Variants in RALYL observed in about 807,000 individuals in gnomAD.
RALYL encodes the protein RNA-binding Raly-like protein.
A neutral mutation model predicts 35.1 loss-of-function variants in RALYL; 29 were observed. The observed-to-expected ratio is 0.83, with a 90% CI of 0.61 to 1.13. The LOEUF is 1.13. Ranked by LOEUF, RALYL falls within the 50% of genes most tolerant of loss-of-function variation. The pLI is 0.00. For missense variants in RALYL, 359 were observed against 360.4 expected (o/e 1.00, Z 0.03); for synonymous variants, 120 against 127.6 (o/e 0.94, Z 0.40).
intron 1 of RALYL, among the ~76,000 whole-genome samples, chr8:84,476,824 C>A (rs1215785929): frequency 3.3e-5 from 5 of 152,138 alleles, no homozygotes; most frequent in Admixed American, 6.5e-5. Flanking sequence ...AGTTTTAATT[C>A]AATTGTGAAT....
At chr8:84,813,435 A>G (rs1826377381) in intron 4 of RALYL, among the ~76,000 whole-genome samples, 1 of 152,188 alleles carries the variant, frequency 6.6e-6, no homozygotes, top group Non-Finnish European at 1.5e-5. Context: ...CCTGCCTCCC[A>G]TTCCTCTGTG....
chr8:84,371,014 A>T (rs922057373), intron 1 of RALYL, among the ~76,000 whole-genome samples: 1 of 152,014 alleles, frequency 6.6e-6, no homozygotes, highest in Non-Finnish European at 1.5e-5. Flanking sequence ...AAATTAAAGA[A>T]CTGAGCAAAC....
At chr8:84,342,296 A>ATATATATATATATATATATATAT (rs1554626164) in intron 1 of RALYL, among the ~76,000 whole-genome samples, 106 of 119,080 alleles carry the variant, frequency 8.9e-4, no homozygotes, top group Middle Eastern at 4.1e-3. Context: ...ATATATATAT[A>ATATATATATATATATATATATAT]AAACTCAAAA....
chr8:84,754,155 T>G (rs1810777591), intron 2 of RALYL, among the ~76,000 whole-genome samples: 1 of 152,146 alleles, frequency 6.6e-6, no homozygotes, highest in South Asian at 2.1e-4. Context: ...TAGATCCCAT[T>G]TGTCAATTTT....
intron 1 of RALYL, among the ~76,000 whole-genome samples, chr8:84,299,155 G>T (rs1840310977): frequency 6.6e-6 from 1 of 151,590 alleles, no homozygotes; most frequent in African/African-American, 2.4e-5. Context: ...AGTGTTTCTA[G>T]CTTTTCCTCA....
chr8:84,774,644 G>A lies in RALYL; in HGVS notation c.322G>A (p.Ala108Thr). The A allele has an allele frequency of 1.9e-6, 3 of 1,606,602 alleles. No individual in the cohort carries two copies. The highest frequency in any genetic ancestry group is 2.6e-6 in the Non-Finnish European group (3 of 1,175,614). ...ACCTGGAAACAAGAGGCCCCTTTCT[G>A]CACTTTACAGGTAAGTAGATAAGCA... is the stretch of plus-strand genomic sequence containing the variant. ...PKPGNKRPLS[A>T]LYRLESKEPF... Residue 108 changes from alanine to threonine, a missense_variant, in exon 3 of 9, where the codon GCA (alanine) becomes ACA (threonine). By Grantham distance (58) the Ala-to-Thr change is moderately conservative. Coordinates refer to ENST00000521268, the MANE Select transcript of RALYL (RefSeq NM_173848.7).
At chr8:84,463,857 T>C (rs573736918) in intron 1 of RALYL, among the ~76,000 whole-genome samples, 1 of 152,068 alleles carries the variant, frequency 6.6e-6, no homozygotes, top group Non-Finnish European at 1.5e-5. Flanking sequence ...AATCATGGTG[T>C]AGAACAATGC....
intron 1 of RALYL, among the ~76,000 whole-genome samples, chr8:84,268,668 A>T (rs1833759306): frequency 6.6e-6 from 1 of 152,176 alleles, no homozygotes; most frequent in Non-Finnish European, 1.5e-5. Flanking sequence ...ATGGAGACAG[A>T]GGTCATTTTA....
chr8:84,593,442 A>G (rs1181971629), intron 2 of RALYL, among the ~76,000 whole-genome samples: 1 of 152,086 alleles, frequency 6.6e-6, no homozygotes, highest in Non-Finnish European at 1.5e-5. Context: ...ATTTGGGAAG[A>G]ATTTTCAAAA....
chr8:84,713,375 T>G (rs2132506880), intron 2 of RALYL, among the ~76,000 whole-genome samples: 1 of 152,062 alleles, frequency 6.6e-6, no homozygotes, highest in Admixed American at 6.6e-5. Context: ...GCAATAAAAT[T>G]AATAACTTGA....
At chr8:84,825,364 G>A (rs1246392408) in intron 4 of RALYL, among the ~76,000 whole-genome samples, 8 of 152,266 alleles carry the variant, frequency 5.3e-5, no homozygotes, top group Admixed American at 2.6e-4. Context: ...TGGCAGGGCT[G>A]TGGAGAAAAG....
chr8:84,360,452 A>G (rs1852752014), intron 1 of RALYL, among the ~76,000 whole-genome samples: 6 of 152,348 alleles, frequency 3.9e-5, no homozygotes, highest in Admixed American at 3.9e-4. Flanking sequence ...CTTTACTTCT[A>G]GTGAGAAAGA....
At chr8:84,361,440 A>C (rs1324984472) in intron 1 of RALYL, among the ~76,000 whole-genome samples, 1 of 152,204 alleles carries the variant, frequency 6.6e-6, no homozygotes, top group Non-Finnish European at 1.5e-5. Context: ...GAAATTGTAC[A>C]GAGAAGAAAC....
intron 2 of RALYL, among the ~76,000 whole-genome samples, chr8:84,533,439 G>A (rs1171870824): frequency 6.6e-6 from 1 of 152,110 alleles, no homozygotes; most frequent in African/African-American, 2.4e-5. Flanking sequence ...TGTATCTATT[G>A]ATTACATTGG....
intron 2 of RALYL, among the ~76,000 whole-genome samples, chr8:84,726,248 T>G (rs1378084336): frequency 1.4e-5 from 2 of 146,910 alleles, no homozygotes; most frequent in Non-Finnish European, 3.0e-5. Flanking sequence ...TATATATAAT[T>G]ATATCTAATT....
At chr8:84,401,631 C>CT (rs2042912065) in intron 1 of RALYL, among the ~76,000 whole-genome samples, 2 of 93,722 alleles carry the variant, frequency 2.1e-5, no homozygotes, top group South Asian at 7.9e-4. Flanking sequence ...GAGCTAGACT[C>CT]TGTCTCAAAA....
chr8:84,403,997 A>G (rs1332291367), intron 1 of RALYL, among the ~76,000 whole-genome samples: 2 of 152,002 alleles, frequency 1.3e-5, no homozygotes, highest in Non-Finnish European at 2.9e-5. Flanking sequence ...GGTGTATAGG[A>G]ATGCTTGTGA....
At chr8:84,344,550 T>G (rs556064714) in intron 1 of RALYL, among the ~76,000 whole-genome samples, 1 of 152,204 alleles carries the variant, frequency 6.6e-6, no homozygotes, top group African/African-American at 2.4e-5. Flanking sequence ...TTAATTTAAT[T>G]TTTTGTAATT....
At chr8:84,312,082 G>A (rs865800710) in intron 1 of RALYL, among the ~76,000 whole-genome samples, 5 of 152,172 alleles carry the variant, frequency 3.3e-5, no homozygotes, top group African/African-American at 1.2e-4. Context: ...CATGGTGGAA[G>A]GTGAAGGGGA....
Sources: allele counts gnomAD v4.1 joint callset (sites outside exome capture counted in the v4.1 genomes callset), GRCh38; gene constraint gnomAD v4.1.1; transcripts MANE v1.5; gene names NCBI Gene and HGNC (gene_info 2026-07-23, HGNC 2026-07-21).